The following SEMA5A variants were observed in gnomAD, a reference collection of about 807,000 sequenced individuals.
The protein encoded by SEMA5A is semaphorin 5A.
In SEMA5A, 55 loss-of-function variants were observed where a neutral mutation model predicts 135.5. The observed-to-expected ratio is 0.41, with a 90% CI of 0.33 to 0.51. The LOEUF is 0.51. Among genes scored for constraint, SEMA5A ranks in the 20% least tolerant of loss-of-function variants. The pLI is 0.37. For missense variants in SEMA5A, 1,290 were observed against 1,419.9 expected (o/e 0.91, Z 1.47); for synonymous variants, 580 against 546.5 (o/e 1.06, Z -0.85).
At chr5:9,418,391 CA>C (rs1172581255) in intron 2 of SEMA5A, among the ~76,000 whole-genome samples, 2 of 152,310 alleles carry the variant, frequency 1.3e-5, no homozygotes, top group East Asian at 3.9e-4. Context: ...AGGATTTCAA[CA>C]TATGCATTTT....
At chr5:9,224,338 TAAG>T (rs1747172161) in intron 8 of SEMA5A, among the ~76,000 whole-genome samples, 1 of 152,072 alleles carries the variant, frequency 6.6e-6, no homozygotes, top group Non-Finnish European at 1.5e-5. Context: ...AAATGGAAGT[TAAG>T]AAGTAATGCA....
At position 9,042,805 on chromosome 5, in the gene SEMA5A, C is replaced by T; in HGVS notation, c.*92G>A. On this transcript the variant is annotated 3_prime_UTR_variant, in exon 23 of 23. Transcript: ENST00000382496. ...GAAATGCACTTGAAATGTATCCAAA[C>T]TTCGACTCTGAAGCCTCAGAAACAT... 4.7e-6 allele frequency: 7 copies of T among 1,501,456 alleles called. No individual in the cohort carries two copies. Among genetic ancestry groups the T allele is most frequent in the South Asian group, 3.6e-5 (3 of 84,450 alleles). The allele number at this position is 1,501,456 out of a possible 1,614,324, so 93.0% of individuals were successfully genotyped here.
intron 1 of SEMA5A, among the ~76,000 whole-genome samples, chr5:9,483,943 C>T (rs943431264): frequency 6.6e-6 from 1 of 152,114 alleles, no homozygotes; most frequent in African/African-American, 2.4e-5. Flanking sequence ...GTGTGGCCAA[C>T]ATATGTATCA....
chr5:9,373,902 TAAAC>T (rs1295996294), intron 3 of SEMA5A, among the ~76,000 whole-genome samples: 1 of 152,160 alleles, frequency 6.6e-6, no homozygotes, highest in East Asian at 1.9e-4. Flanking sequence ...CTTTAATCAA[TAAAC>T]AAACAAAAGC....
intron 2 of SEMA5A, chr5:9,422,201 A>G (rs1757492812): frequency 6.6e-6 from 1 of 152,226 alleles, no homozygotes; most frequent in Admixed American, 6.5e-5. Context: ...GGCTTATAAG[A>G]AGCTGTCATA....
intron 13 of SEMA5A, among the ~76,000 whole-genome samples, chr5:9,126,144 C>T (rs1351060355): frequency 2.0e-5 from 3 of 152,124 alleles, no homozygotes; most frequent in Admixed American, 6.5e-5. Flanking sequence ...TGACTCTTTG[C>T]AGTGTGGGCC....
chr5:9,231,411 G>A (rs1302693009), intron 6 of SEMA5A, among the ~76,000 whole-genome samples: 1 of 142,642 alleles, frequency 7.0e-6, no homozygotes, highest in Non-Finnish European at 1.5e-5. Context: ...AGCTTACAGT[G>A]AGCCAAGATG....
chr5:9,175,579 T>A (rs3777279), intron 11 of SEMA5A, among the ~76,000 whole-genome samples: 15,337 of 152,124 alleles, frequency 0.1, 1,276 homozygotes, highest in African/African-American at 0.2. Context: ...CTTCCTTTTG[T>A]CCTTCTCTTC....
intron 1 of SEMA5A, among the ~76,000 whole-genome samples, chr5:9,454,557 T>A (rs1050284100): frequency 2.6e-5 from 4 of 152,160 alleles, no homozygotes; most frequent in Admixed American, 6.5e-5. Flanking sequence ...TTTTTTCCAA[T>A]CCAGGAAAGC....
intron 13 of SEMA5A, among the ~76,000 whole-genome samples, chr5:9,129,690 TA>T (rs1741303258): frequency 6.6e-6 from 1 of 152,200 alleles, no homozygotes; most frequent in African/African-American, 2.4e-5. Context: ...AAGTTTCTAT[TA>T]GGGGTATGTG....
chr5:9,252,087 C>T (rs113041506), intron 5 of SEMA5A, among the ~76,000 whole-genome samples: 126 of 152,298 alleles, frequency 8.3e-4, no homozygotes, highest in African/African-American at 2.7e-3. Context: ...TTCCTAATTC[C>T]TTCCTGTCTC....
intron 11 of SEMA5A, among the ~76,000 whole-genome samples, chr5:9,167,186 C>A (rs1743656443): frequency 6.6e-6 from 1 of 152,120 alleles, no homozygotes; most frequent in South Asian, 2.1e-4. Flanking sequence ...ACGACTAGTG[C>A]CTGATGTTCC....
chr5:9,520,547 TG>T (rs2126869516), intron 1 of SEMA5A, among the ~76,000 whole-genome samples: 1 of 152,232 alleles, frequency 6.6e-6, no homozygotes, highest in East Asian at 1.9e-4. Context: ...CACCAGCATC[TG>T]GGCCTATTGA....
At chr5:9,090,939 C>G (rs1738998359) in intron 16 of SEMA5A, among the ~76,000 whole-genome samples, 2 of 152,166 alleles carry the variant, frequency 1.3e-5, no homozygotes, top group South Asian at 4.1e-4. Flanking sequence ...AATGAAATGT[C>G]TGCAAAGTGC....
chr5:9,180,000 C>T (rs900164951), intron 11 of SEMA5A, among the ~76,000 whole-genome samples: 12 of 152,170 alleles, frequency 7.9e-5, no homozygotes, highest in African/African-American at 2.4e-4. Flanking sequence ...ATTCTTGTCT[C>T]GTGCTAGTTT....
At position 9,093,384 on chromosome 5, in the gene SEMA5A, G is replaced by C. The variant is rs1295679709; in HGVS notation, c.2073+14756C>G. ...ATTTTAACCCAAGAAAGTTGGTACA[G>C]GTCTAATTATGCAACTGTGACAGCA... On this transcript the variant is annotated intron_variant, in intron 16 of 22. Transcript: ENST00000382496. Among the ~76,000 whole-genome samples the C allele has an allele frequency of 2.0e-5, 3 of 152,268 alleles. No homozygotes were observed. The East Asian group carries it at 5.8e-4, about 29-fold the overall frequency.
chr5:9,140,083 G>A (rs1224936251), intron 12 of SEMA5A, among the ~76,000 whole-genome samples: 14 of 152,238 alleles, frequency 9.2e-5, no homozygotes, highest in East Asian at 7.7e-4. Context: ...TTCTTTTCCC[G>A]TTATTCAAAT....
intron 2 of SEMA5A, among the ~76,000 whole-genome samples, chr5:9,393,537 T>C (rs925148683): frequency 1.3e-5 from 2 of 152,246 alleles, no homozygotes; most frequent in Non-Finnish European, 2.9e-5. Context: ...TCCCATGCCC[T>C]GTAATATGGA....
intron 11 of SEMA5A, among the ~76,000 whole-genome samples, chr5:9,183,447 C>G (rs1414505357): frequency 6.6e-6 from 1 of 152,202 alleles, no homozygotes; most frequent in Non-Finnish European, 1.5e-5. Context: ...GCGATCTCAT[C>G]CAAGCCCAGG....
Sources: allele counts gnomAD v4.1 joint callset (sites outside exome capture counted in the v4.1 genomes callset), GRCh38; gene constraint gnomAD v4.1.1; transcripts MANE v1.5; gene names NCBI Gene and HGNC (gene_info 2026-07-23, HGNC 2026-07-21).